CACNA2D3: variants seen among roughly 807,000 people sequenced by gnomAD.
The protein encoded by CACNA2D3 is voltage-dependent calcium channel subunit alpha-2/delta-3.
Under a neutral mutation model 160.6 loss-of-function variants are expected in CACNA2D3, and 60 were observed. The observed-to-expected ratio is 0.37, with a 90% CI of 0.30 to 0.46. The LOEUF is 0.46. Among genes scored for constraint, CACNA2D3 ranks in the 20% least tolerant of loss-of-function variants. The pLI is 1.00. For missense variants in CACNA2D3, 1,205 were observed against 1,365.0 expected (o/e 0.88, Z 1.85); for synonymous variants, 558 against 492.9 (o/e 1.13, Z -1.75).
At chr3:54,580,775 C>G (rs1030043731) in intron 8 of CACNA2D3, among the ~76,000 whole-genome samples, 4 of 152,228 alleles carry the variant, frequency 2.6e-5, no homozygotes, top group Non-Finnish European at 5.9e-5. Flanking sequence ...GGACCTAACC[C>G]AGTGCCTAGC....
At chr3:54,431,715 C>T (rs1699993507) in intron 4 of CACNA2D3, among the ~76,000 whole-genome samples, 1 of 152,172 alleles carries the variant, frequency 6.6e-6, no homozygotes, top group South Asian at 2.1e-4. Flanking sequence ...TGGGCGGATT[C>T]TTGTGCCTTA....
chr3:54,439,744 T>G (rs1700114358), intron 4 of CACNA2D3, among the ~76,000 whole-genome samples: 1 of 152,100 alleles, frequency 6.6e-6, no homozygotes, highest in South Asian at 2.1e-4. Context: ...GCCCTTGACC[T>G]CTAGGAAATA....
chr3:54,711,055 T>A (rs1213951703), intron 11 of CACNA2D3, among the ~76,000 whole-genome samples: 1 of 152,174 alleles, frequency 6.6e-6, no homozygotes, highest in Non-Finnish European at 1.5e-5. Context: ...GGGGAGAGGC[T>A]GTTTGATTGG....
chr3:54,339,328 G>T (rs994896054), intron 3 of CACNA2D3, among the ~76,000 whole-genome samples: 13 of 152,128 alleles, frequency 8.5e-5, no homozygotes, highest in Admixed American at 7.2e-4. Flanking sequence ...TCTCTTTGGG[G>T]AAAATTTCAT....
At chr3:54,805,728 A>G (rs1703104272) in intron 13 of CACNA2D3, among the ~76,000 whole-genome samples, 1 of 152,224 alleles carries the variant, frequency 6.6e-6, no homozygotes, top group East Asian at 1.9e-4. Context: ...CTGACACCAA[A>G]GCCGGGCAGA....
intron 27 of CACNA2D3, among the ~76,000 whole-genome samples, chr3:54,966,649 C>T (rs1422643227): frequency 4.6e-5 from 7 of 152,022 alleles, no homozygotes; most frequent in African/African-American, 7.3e-5. Flanking sequence ...TGAAACTTCA[C>T]CTCTACAGAA....
intron 27 of CACNA2D3, among the ~76,000 whole-genome samples, chr3:54,941,277 T>TA (rs1701460149): frequency 6.6e-6 from 1 of 152,226 alleles, no homozygotes. Flanking sequence ...TCTGTTAAAA[T>TA]ACTGATTTGT....
At chr3:54,876,079 T>G (rs938195073) in intron 18 of CACNA2D3, among the ~76,000 whole-genome samples, 6 of 152,110 alleles carry the variant, frequency 3.9e-5, no homozygotes, top group Non-Finnish European at 8.8e-5. Flanking sequence ...TGTTTGGAAA[T>G]TTTCCTCCGC....
At chr3:54,456,687 T>C (rs534782944) in intron 4 of CACNA2D3, among the ~76,000 whole-genome samples, 2 of 152,112 alleles carry the variant, frequency 1.3e-5, no homozygotes, top group East Asian at 3.9e-4. Context: ...AGAATTGGCA[T>C]TAGTTTTTCT....
chr3:54,890,515 GAAAA>G (rs1246367526), intron 24 of CACNA2D3, among the ~76,000 whole-genome samples: 1 of 138,050 alleles, frequency 7.2e-6, no homozygotes, highest in African/African-American at 2.7e-5. Context: ...AAAAAAAAAA[GAAAA>G]AGAAAGAAAA....
intron 35 of CACNA2D3, among the ~76,000 whole-genome samples, chr3:55,035,890 G>C (rs3773546): frequency 0.28 from 43,292 of 152,094 alleles, 6,369 homozygotes; most frequent in Admixed American, 0.33. Flanking sequence ...TCCAGTAACT[G>C]ATGAGTGAGG....
chr3:54,832,054 C>T (rs1384853828), intron 14 of CACNA2D3, among the ~76,000 whole-genome samples: 3 of 149,302 alleles, frequency 2.0e-5, no homozygotes, highest in Non-Finnish European at 4.5e-5. Flanking sequence ...CACACACACA[C>T]ACGTCTCTCC....
chr3:54,519,012 G>T (rs927331320), intron 5 of CACNA2D3, among the ~76,000 whole-genome samples: 2 of 13,688 alleles, frequency 1.5e-4, no homozygotes, highest in Non-Finnish European at 1.3e-4. Flanking sequence ...CAGGGTGTGG[G>T]GGTCCGAGTG....
At chr3:55,033,585 T>TG (rs1491169110) in intron 35 of CACNA2D3, among the ~76,000 whole-genome samples, 3,715 of 40,204 alleles carry the variant, frequency 0.092, 177 homozygotes, top group African/African-American at 0.21. Context: ...TGTGTGTGTG[T>TG]ATATATATAT....
At chr3:54,781,006 G>A (rs936596349) in intron 13 of CACNA2D3, among the ~76,000 whole-genome samples, 1 of 152,178 alleles carries the variant, frequency 6.6e-6, no homozygotes, top group South Asian at 2.1e-4. Context: ...TTCCTATTTG[G>A]TTACTAAAAT....
intron 2 of CACNA2D3, among the ~76,000 whole-genome samples, chr3:54,186,669 A>G (rs1700883943): frequency 6.6e-6 from 1 of 152,086 alleles, no homozygotes; most frequent in Admixed American, 6.6e-5. Flanking sequence ...ATAGAACTGC[A>G]TTTTTTAATG....
At chr3:54,642,980 G>A (rs939493638) in intron 11 of CACNA2D3, among the ~76,000 whole-genome samples, 1 of 152,054 alleles carries the variant, frequency 6.6e-6, no homozygotes, top group African/African-American at 2.4e-5. Context: ...GTTTCTCAGT[G>A]GGCACCAGCC....
chr3:54,541,148 G>A (rs1253450826), intron 5 of CACNA2D3, among the ~76,000 whole-genome samples: 2 of 151,602 alleles, frequency 1.3e-5, no homozygotes, highest in African/African-American at 4.8e-5. Flanking sequence ...GTGGTGGCGG[G>A]CGCCTGTAGT....
chr3:54,471,074 C>T (rs947568184), intron 4 of CACNA2D3, among the ~76,000 whole-genome samples: 3 of 152,206 alleles, frequency 2.0e-5, no homozygotes, highest in Non-Finnish European at 4.4e-5. Context: ...TAGACATCTA[C>T]AGAACTCTCC....
Sources: allele counts gnomAD v4.1 joint callset (sites outside exome capture counted in the v4.1 genomes callset), GRCh38; gene constraint gnomAD v4.1.1; transcripts MANE v1.5; gene names NCBI Gene and HGNC (gene_info 2026-07-23, HGNC 2026-07-21).